Variants in PCDH9 observed in about 807,000 individuals in gnomAD.
The protein encoded by PCDH9 is protocadherin 9, also known as protocadherin-9.
PCDH9 carries 24 observed loss-of-function variants against 70.6 expected under a neutral mutation model. The ratio of observed to expected loss-of-function variants is 0.34; its 90% CI spans 0.25 to 0.48. The LOEUF is 0.48. Among genes scored for constraint, PCDH9 ranks in the 20% least tolerant of loss-of-function variants. The pLI, the probability that PCDH9 is intolerant of heterozygous loss-of-function variation, is 0.99. For missense variants in PCDH9, 1,281 were observed against 1,503.6 expected (o/e 0.85, Z 2.45); for synonymous variants, 562 against 558.5 (o/e 1.01, Z -0.09).
In PCDH9 at chr13:67,071,888, C is replaced by CAA. The variant is rs5804309; in HGVS notation, c.3036+153515_3036+153516dup. Among the ~76,000 whole-genome samples the CAA allele has an allele frequency of 3.5e-3, 304 of 86,626 alleles. 3 individuals are homozygous for CAA. Among genetic ancestry groups the CAA allele is most frequent in the African/African-American group, 0.012 (278 of 22,446 alleles). The allele number at this position is 86,626 out of a possible 152,430, so 56.8% of individuals were successfully genotyped here. A position where few individuals can be genotyped will look rare whatever the true frequency, so the allele number is the denominator to read the frequency against. On this transcript the variant is annotated intron_variant, in intron 2 of 4. Coordinates refer to ENST00000377865, the MANE Select transcript of PCDH9 (RefSeq NM_203487.3). ...TGGGCAACAGAGGGAGACTTTGTCT[C>CAA]AAAAAAAAAAAAAAAAAAAAGAGAG...
At chr13:66,554,971 A>G (rs1177417681) in intron 4 of PCDH9, among the ~76,000 whole-genome samples, 1 of 152,114 alleles carries the variant, frequency 6.6e-6, no homozygotes, top group Non-Finnish European at 1.5e-5. Context: ...GGAGTTCAAG[A>G]CCAGCCTGAC....
chr13:66,624,419 C>T (rs1339722558), intron 4 of PCDH9, among the ~76,000 whole-genome samples: 1 of 152,220 alleles, frequency 6.6e-6, no homozygotes. Flanking sequence ...ATAAATACTG[C>T]ACATTGTGTG....
At chr13:66,970,535 G>A (rs1160948696) in intron 2 of PCDH9, among the ~76,000 whole-genome samples, 3 of 150,722 alleles carry the variant, frequency 2.0e-5, no homozygotes, top group Non-Finnish European at 3.0e-5. Context: ...GACTACTGGG[G>A]AGGCTGAGAC....
At chr13:66,878,349 C>T (rs916084102) in intron 3 of PCDH9, among the ~76,000 whole-genome samples, 1 of 152,010 alleles carries the variant, frequency 6.6e-6, no homozygotes, top group Non-Finnish European at 1.5e-5. Flanking sequence ...GCCTCAGCCT[C>T]CCGAGCAGCT....
intron 2 of PCDH9, among the ~76,000 whole-genome samples, chr13:66,991,295 T>C (rs1002048989): frequency 1.3e-5 from 2 of 151,996 alleles, no homozygotes; most frequent in African/African-American, 2.4e-5. Flanking sequence ...ATTTTTTTTT[T>C]CCATTGCAGT....
At chr13:66,686,646 TATA>T (rs1168883208) in intron 3 of PCDH9, among the ~76,000 whole-genome samples, 3 of 152,176 alleles carry the variant, frequency 2.0e-5, no homozygotes, top group African/African-American at 7.2e-5. Flanking sequence ...AATAAAAGTG[TATA>T]ATATTAGTCT....
At chr13:66,640,081 C>A (rs2077688432) in intron 3 of PCDH9, among the ~76,000 whole-genome samples, 2 of 152,018 alleles carry the variant, frequency 1.3e-5, no homozygotes, top group South Asian at 2.1e-4. Flanking sequence ...ACCATATTTA[C>A]AAAATCAGAA....
intron 2 of PCDH9, chr13:67,205,047 A>G (rs2089305024): frequency 6.6e-6 from 1 of 152,204 alleles, no homozygotes; most frequent in African/African-American, 2.4e-5. Flanking sequence ...GACTCTTTAA[A>G]CAAATGTACA....
At position 67,136,105 on chromosome 13, in the gene PCDH9, G is replaced by C. The variant is rs142520076; in HGVS notation, c.3036+89300C>G. 4.0e-3 allele frequency among the ~76,000 whole-genome samples: 609 copies of C among 152,228 alleles called. 6 individuals are homozygous for C. The highest frequency in any genetic ancestry group is 0.014 in the African/African-American group (586 of 41,540). ...TTGCTATCTGACAATGGTCTCATAA[G>C]ATTAGAATACTGTATTTTTATTGTA... On this transcript the variant is annotated intron_variant, in intron 2 of 4. Transcript: ENST00000377865.
intron 4 of PCDH9, among the ~76,000 whole-genome samples, chr13:66,337,219 A>G (rs527526155): frequency 6.6e-6 from 1 of 152,212 alleles, no homozygotes; most frequent in African/African-American, 2.4e-5. Context: ...AAATAACATG[A>G]GGTCAAAATT....
At chr13:67,167,541 G>T (rs2088153578) in intron 2 of PCDH9, among the ~76,000 whole-genome samples, 1 of 151,956 alleles carries the variant, frequency 6.6e-6, no homozygotes, top group Non-Finnish European at 1.5e-5. Flanking sequence ...TTTTGATATG[G>T]CCTTCTAACT....
chr13:66,575,983 A>G (rs1448726576), intron 4 of PCDH9, among the ~76,000 whole-genome samples: 2 of 151,966 alleles, frequency 1.3e-5, no homozygotes, highest in South Asian at 2.1e-4. Context: ...CAAAAAAGTC[A>G]CCAGATTAAA....
chr13:67,045,382 A>G (rs763095920), intron 2 of PCDH9, among the ~76,000 whole-genome samples: 3 of 151,980 alleles, frequency 2.0e-5, no homozygotes, highest in Non-Finnish European at 4.4e-5. Flanking sequence ...CTTTTCCATC[A>G]CAGTCTATGT....
intron 4 of PCDH9, among the ~76,000 whole-genome samples, chr13:66,539,710 A>G (rs1960862136): frequency 6.6e-6 from 1 of 152,088 alleles, no homozygotes; most frequent in Non-Finnish European, 1.5e-5. Flanking sequence ...TACATAACTG[A>G]TAAACATACT....
At chr13:66,712,944 T>G (rs1448218152) in intron 3 of PCDH9, among the ~76,000 whole-genome samples, 1 of 152,192 alleles carries the variant, frequency 6.6e-6, no homozygotes, top group Non-Finnish European at 1.5e-5. Flanking sequence ...AATTAAAATA[T>G]ATTTTTAGAT....
At chr13:67,078,704 T>C (rs2085926387) in intron 2 of PCDH9, among the ~76,000 whole-genome samples, 1 of 152,168 alleles carries the variant, frequency 6.6e-6, no homozygotes, top group Admixed American at 6.6e-5. Context: ...ATGACCCCAC[T>C]GGACTTTAAG....
intron 4 of PCDH9, among the ~76,000 whole-genome samples, chr13:66,457,922 T>A (rs1396969110): frequency 6.6e-6 from 1 of 152,040 alleles, no homozygotes; most frequent in Non-Finnish European, 1.5e-5. Flanking sequence ...AATCGTTTCA[T>A]TCATCCTGCT....
chr13:66,319,641 T>C (rs1258497562), intron 4 of PCDH9, among the ~76,000 whole-genome samples: 1 of 151,920 alleles, frequency 6.6e-6, no homozygotes, highest in Non-Finnish European at 1.5e-5. Context: ...GAAACTATCA[T>C]TACCCCTAGG....
At chr13:66,761,326 T>G (rs2079623769) in intron 3 of PCDH9, among the ~76,000 whole-genome samples, 1 of 152,174 alleles carries the variant, frequency 6.6e-6, no homozygotes, top group African/African-American at 2.4e-5. Flanking sequence ...CAAGAAACTA[T>G]GTTGAAATAT....
Sources: allele counts gnomAD v4.1 joint callset (sites outside exome capture counted in the v4.1 genomes callset), GRCh38; gene constraint gnomAD v4.1.1; transcripts MANE v1.5; gene names NCBI Gene and HGNC (gene_info 2026-07-23, HGNC 2026-07-21).